Variants in SHMT1 observed in about 807,000 individuals in gnomAD.
SHMT1 encodes serine hydroxymethyltransferase, cytosolic.
In SHMT1, 45 loss-of-function variants were observed where a neutral mutation model predicts 49.0. The observed-to-expected ratio is 0.92, with a 90% CI of 0.72 to 1.18. The LOEUF is 1.18. Among genes scored for constraint, SHMT1 ranks in the 50% most tolerant of loss-of-function variants. The pLI is 0.00. For missense variants in SHMT1, 541 were observed against 612.4 expected (o/e 0.88, Z 1.23); for synonymous variants, 232 against 246.6 (o/e 0.94, Z 0.55).
intron 7 of SHMT1, 126 bp downstream of exon 7, chr17:18,339,917 T>C: frequency 2.1e-6 from 2 of 962,746 alleles, no homozygotes; most frequent in Non-Finnish European, 3.2e-6. Flanking sequence ...TTTAAGGGAC[T>C]GGGATCTTAA....
At chr17:18,339,781 T>C (rs1276380552) in intron 7 of SHMT1, among the ~76,000 whole-genome samples, 1 of 152,154 alleles carries the variant, frequency 6.6e-6, no homozygotes, top group African/African-American at 2.4e-5. Flanking sequence ...AGGATGGTCT[T>C]GATCTCCTGA....
At chr17:18,345,408 C>T (rs1984982274) in intron 5 of SHMT1, among the ~76,000 whole-genome samples, 1 of 151,980 alleles carries the variant, frequency 6.6e-6, no homozygotes, top group Admixed American at 6.6e-5. Flanking sequence ...CAGGTGCCCG[C>T]CACCACGTCC....
rs9748196 is a variant in SHMT1, at chr17:18,338,846, G to A, written c.814+1197C>T. Among the ~76,000 whole-genome samples, 382 of 151,992 alleles carry A rather than the reference G, an allele frequency of 2.5e-3. 3 individuals carry two copies. Among genetic ancestry groups the A allele is most frequent in the African/African-American group, 8.7e-3 (362 of 41,436 alleles). ...CTTTGTTAAACAGATGCTTGAAGGC[G>A]GCATGCTCATTAAGAGTCATCACCA... On this transcript the variant is annotated intron_variant, in intron 7 of 11. Coordinates refer to ENST00000316694, the MANE Select transcript of SHMT1 (RefSeq NM_004169.5).
chr17:18,334,815 A>T (rs1983617043), intron 8 of SHMT1, among the ~76,000 whole-genome samples: 1 of 152,216 alleles, frequency 6.6e-6, no homozygotes. Context: ...GAGTTAAAGC[A>T]GCTGTGGGTG....
chr17:18,333,881 A>C (rs1983511364), intron 8 of SHMT1, among the ~76,000 whole-genome samples: 1 of 152,180 alleles, frequency 6.6e-6, no homozygotes, highest in African/African-American at 2.4e-5. Context: ...CAGGGCTCAG[A>C]TGATCCTCCC....
chr17:18,361,232 G>A (rs768031752), intron 1 of SHMT1, among the ~76,000 whole-genome samples: 2 of 149,132 alleles, frequency 1.3e-5, no homozygotes, highest in African/African-American at 4.9e-5. Context: ...TTGAACCCAG[G>A]AGGTTGCAGT....
chr17:18,339,105 G>A (rs117802369), intron 7 of SHMT1, among the ~76,000 whole-genome samples: 170 of 148,724 alleles, frequency 1.1e-3, no homozygotes, highest in Middle Eastern at 3.5e-3. Flanking sequence ...CAGAGGGCTG[G>A]TGTCTCTGCT....
intron 5 of SHMT1, among the ~76,000 whole-genome samples, chr17:18,343,369 G>T (rs1195196484): frequency 6.6e-6 from 1 of 152,042 alleles, no homozygotes; most frequent in East Asian, 1.9e-4. Context: ...AGCACTTTGG[G>T]AGGCCGAGGG....
In SHMT1 at chr17:18,353,686, C is replaced by G; in HGVS notation, c.228G>C (p.Gly76=). The change falls in exon 3 of 12, where the codon GGG becomes GGC. Residue 76 remains glycine (G), a synonymous_variant. Transcript: ENST00000316694. ...GSCLNNKYSE[G]YPGQRYYGGT... ...TATTCACATACCTCTGGCCCGGGTA[C>G]CCCTCAGAGTATTTGTTATTTAAGC... 6.2e-7 allele frequency: 1 copy of G among 1,614,088 alleles called. No individual in the cohort carries two copies. Among genetic ancestry groups the G allele is most frequent in the South Asian group, 1.1e-5 (1 of 91,064 alleles).
chr17:18,353,953 T>C (rs1350938741), intron 2 of SHMT1, 136 bp from the exon 3 acceptor site: 2 of 827,904 alleles, frequency 2.4e-6, no homozygotes, highest in Admixed American at 2.0e-5. Flanking sequence ...TCAAAGGTTT[T>C]AGTATCTGAG....
In SHMT1 at chr17:18,340,994, G is replaced by C. The variant is rs1333874823; in HGVS notation, c.520-181C>G. The C allele has an allele frequency of 1.6e-6, 1 of 640,770 alleles. No individual in the cohort carries two copies. 39.7% of individuals were successfully genotyped at this position (640,770 alleles called of 1,614,324 possible). On this transcript the variant is annotated intron_variant, in intron 5 of 11. Coordinates refer to ENST00000316694, the MANE Select transcript of SHMT1 (RefSeq NM_004169.5). The surrounding 1 kb of genome is among the most constrained non-coding windows in gnomAD (Gnocchi z 4.5). ...CCTGCTCAACCAAGTATGGCTCACA[G>C]ACCCAGGAGTCCCTGAGGAGTCCCA...
intron 5 of SHMT1, among the ~76,000 whole-genome samples, chr17:18,343,077 TAGAC>T (rs1489943072): frequency 6.6e-6 from 1 of 152,112 alleles, no homozygotes; most frequent in African/African-American, 2.4e-5. Context: ...AAGTTGCAGT[TAGAC>T]AGGAAGAAAA....
At chr17:18,338,706 C>G (rs576170045) in intron 7 of SHMT1, among the ~76,000 whole-genome samples, 111 of 152,298 alleles carry the variant, frequency 7.3e-4, no homozygotes, top group African/African-American at 2.7e-3. Context: ...CCATTTTGTT[C>G]TGTACTAAGA....
Position 18,340,592 on chromosome 17 carries a change from A to G in SHMT1, c.601+140T>C. On this transcript the variant is annotated intron_variant, in intron 6 of 11. Coordinates refer to ENST00000316694, the MANE Select transcript of SHMT1 (RefSeq NM_004169.5). The surrounding 1 kb of genome is among the most constrained non-coding windows in gnomAD (Gnocchi z 4.5). ...CATCTGTATCCTGAAAGAAACTAAT[A>G]TATGTAGACCCCAGAAACTCAGTTA... The G allele has an allele frequency of 5.2e-6, 4 of 764,764 alleles. No homozygotes were observed. Among genetic ancestry groups the G allele is most frequent in the African/African-American group, 1.7e-5 (1 of 58,400 alleles). 47.4% of individuals were successfully genotyped at this position (764,764 alleles called of 1,614,324 possible). A position where few individuals can be genotyped will look rare whatever the true frequency, so the allele number is the denominator to read the frequency against.
At chr17:18,357,995 C>CCA (rs1453851349) in intron 1 of SHMT1, among the ~76,000 whole-genome samples, 1 of 150,164 alleles carries the variant, frequency 6.7e-6, no homozygotes, top group Non-Finnish European at 1.5e-5. Context: ...TCCCAAGTAG[C>CCA]CAGGAACACA....
intron 7 of SHMT1, among the ~76,000 whole-genome samples, chr17:18,339,430 C>T (rs925906450): frequency 6.6e-6 from 1 of 152,174 alleles, no homozygotes; most frequent in Non-Finnish European, 1.5e-5. Flanking sequence ...ACCTGCCTCT[C>T]GAGTTCAGCA....
chr17:18,335,525 G>A (rs781154257), intron 8 of SHMT1, 34 bp downstream of exon 8: 7 of 1,433,044 alleles, frequency 4.9e-6, no homozygotes, highest in South Asian at 1.1e-5. Flanking sequence ...GGAATTAGGG[G>A]CTACAGGATG....
intron 5 of SHMT1, among the ~76,000 whole-genome samples, chr17:18,343,270 C>G (rs1984716105): frequency 1.3e-5 from 2 of 151,668 alleles, no homozygotes; most frequent in South Asian, 2.1e-4. Flanking sequence ...TTTTTCTTTT[C>G]TGGCAACACA....
intron 5 of SHMT1, among the ~76,000 whole-genome samples, chr17:18,345,826 G>A (rs944158011): frequency 1.4e-4 from 21 of 151,358 alleles, no homozygotes; most frequent in African/African-American, 4.9e-5. Flanking sequence ...AACTACGGGT[G>A]TGCACCACCA....
Sources: allele counts gnomAD v4.1 joint callset (sites outside exome capture counted in the v4.1 genomes callset), GRCh38; gene constraint gnomAD v4.1.1; non-coding constraint Gnocchi (gnomAD v3.1); transcripts MANE v1.5; gene names NCBI Gene and HGNC (gene_info 2026-07-23, HGNC 2026-07-21).